The following PACRG variants were observed in gnomAD, a reference collection of about 807,000 sequenced individuals.
PACRG encodes parkin coregulated, also known as parkin coregulated gene protein.
Under a neutral mutation model 29.7 loss-of-function variants are expected in PACRG, and 29 were observed. The ratio of observed to expected loss-of-function variants is 0.98; its 90% CI spans 0.73 to 1.33. PACRG has a LOEUF of 1.33. Among genes scored for constraint, PACRG ranks in the 40% most tolerant of loss-of-function variants. The probability of loss-of-function intolerance (pLI) is 0.00; values close to 1 mark genes in which losing one functional copy is unlikely to be tolerated. For missense variants in PACRG, 279 were observed against 316.2 expected (o/e 0.88, Z 0.89); for synonymous variants, 116 against 118.7 (o/e 0.98, Z 0.15).
intron 2 of PACRG, among the ~76,000 whole-genome samples, chr6:162,998,712 AGCAT>A (rs1372816673): frequency 5.3e-5 from 8 of 152,326 alleles, no homozygotes; most frequent in Admixed American, 2.0e-4. Flanking sequence ...CTGCTCTAGA[AGCAT>A]GCTTAGAAAG....
chr6:163,313,969 A>T (rs1004896550), intron 4 of PACRG: 1 of 152,172 alleles, frequency 6.6e-6, no homozygotes, highest in East Asian at 1.9e-4. Flanking sequence ...ACCCTTGGTA[A>T]CTCCTGCAGC....
intron 2 of PACRG, among the ~76,000 whole-genome samples, chr6:162,923,658 T>G (rs1797222942): frequency 6.6e-6 from 1 of 152,088 alleles, no homozygotes; most frequent in Non-Finnish European, 1.5e-5. Context: ...TGAAAATTAG[T>G]TGATTGTAAA....
intron 2 of PACRG, chr6:162,997,613 G>A (rs532811920): frequency 4.9e-5 from 14 of 283,966 alleles, no homozygotes; most frequent in African/African-American, 2.1e-4. Context: ...TGAAAGCAAC[G>A]CAGTGGTAAA....
chr6:163,220,209 C>CG (rs1781525270), intron 4 of PACRG, among the ~76,000 whole-genome samples: 1 of 148,372 alleles, frequency 6.7e-6, no homozygotes, highest in Admixed American at 6.7e-5. Context: ...GGACAGAGGG[C>CG]GGGGGTGGGG....
intron 4 of PACRG, among the ~76,000 whole-genome samples, chr6:163,286,563 G>A (rs1784406881): frequency 6.6e-6 from 1 of 152,188 alleles, no homozygotes; most frequent in Non-Finnish European, 1.5e-5. Flanking sequence ...TCAATAATAT[G>A]ATCATAATTT....
At chr6:163,003,992 A>G (rs1200186945) in intron 2 of PACRG, among the ~76,000 whole-genome samples, 1 of 152,160 alleles carries the variant, frequency 6.6e-6, no homozygotes, top group African/African-American at 2.4e-5. Context: ...AATCATTCCA[A>G]CTGGATCATT....
At chr6:163,075,087 A>G (rs1045658648) in intron 3 of PACRG, among the ~76,000 whole-genome samples, 4 of 152,206 alleles carry the variant, frequency 2.6e-5, no homozygotes, top group Non-Finnish European at 5.9e-5. Flanking sequence ...AATCCTACAG[A>G]CATTGAAAAT....
chr6:162,780,038 A>G (rs1783973543), intron 1 of PACRG, among the ~76,000 whole-genome samples: 1 of 152,212 alleles, frequency 6.6e-6, no homozygotes, highest in Non-Finnish European at 1.5e-5. Flanking sequence ...ACAGTATGAC[A>G]CAGGAATGAG....
intron 4 of PACRG, among the ~76,000 whole-genome samples, chr6:163,290,273 C>T (rs1212741220): frequency 5.8e-5 from 6 of 103,620 alleles, no homozygotes; most frequent in African/African-American, 1.7e-4. Context: ...TGCACGCGCG[C>T]GCGCGCACAC....
chr6:163,299,704 C>T (rs1784914654), intron 4 of PACRG, among the ~76,000 whole-genome samples: 1 of 152,136 alleles, frequency 6.6e-6, no homozygotes, highest in African/African-American at 2.4e-5. Context: ...CATAGTGAAA[C>T]CCCGTCTCTA....
In PACRG at chr6:163,287,762, A is replaced by G. The variant is rs146968514; in HGVS notation, c.614-27065A>G. Among the ~76,000 whole-genome samples the G allele has an allele frequency of 2.6e-3, 402 of 152,332 alleles. 4 individuals carry two copies. The highest frequency in any genetic ancestry group is 9.3e-3 in the African/African-American group (385 of 41,570). Reference sequence around the variant, plus strand: ...TTTAACAGAGAAAAATAATTGAACGAGGAACCGGGGTACATGTGTTGCTCT... The same window carrying G: ...TTTAACAGAGAAAAATAATTGAACGGGGAACCGGGGTACATGTGTTGCTCT... On this transcript the variant is annotated intron_variant, in intron 4 of 4. Transcript: ENST00000366888.
chr6:163,046,671 C>A (rs922059973), intron 2 of PACRG: 2 of 152,106 alleles, frequency 1.3e-5, no homozygotes, highest in African/African-American at 4.8e-5. Flanking sequence ...ATTCTTTCGA[C>A]AAGCTGATCA....
chr6:162,841,246 A>G (rs377056810), intron 2 of PACRG, among the ~76,000 whole-genome samples: 1 of 139,536 alleles, frequency 7.2e-6, no homozygotes, highest in Admixed American at 7.2e-5. Context: ...TGGTTGGTAA[A>G]CTATTGATTA....
chr6:162,965,056 G>T (rs1352716581), intron 2 of PACRG, among the ~76,000 whole-genome samples: 1 of 152,238 alleles, frequency 6.6e-6, no homozygotes, highest in African/African-American at 2.4e-5. Flanking sequence ...GAAGATGGAA[G>T]TGCCTTAAGG....
chr6:162,778,947 A>C (rs949650380), intron 1 of PACRG, among the ~76,000 whole-genome samples: 6 of 152,220 alleles, frequency 3.9e-5, no homozygotes, highest in Admixed American at 6.5e-5. Context: ...AACGTGTGCC[A>C]TGGCGGTTTG....
chr6:163,126,622 CAATGGCG>C (rs1449739265), intron 4 of PACRG, among the ~76,000 whole-genome samples: 2 of 152,150 alleles, frequency 1.3e-5, no homozygotes, highest in Admixed American at 1.3e-4. Context: ...GCAAAGAAAG[CAATGGCG>C]AAAGAATCTG....
chr6:162,962,088 G>C (rs1044700469), intron 2 of PACRG, among the ~76,000 whole-genome samples: 1 of 152,074 alleles, frequency 6.6e-6, no homozygotes, highest in Non-Finnish European at 1.5e-5. Flanking sequence ...CTAGGCTCAG[G>C]TCAAGTGCCC....
intron 2 of PACRG, among the ~76,000 whole-genome samples, chr6:162,906,173 CA>C (rs1232720129): frequency 6.6e-6 from 1 of 151,330 alleles, no homozygotes; most frequent in South Asian, 2.1e-4. Context: ...GTGTGTGTTC[CA>C]AAAAAAGGAA....
chr6:163,102,768 C>T (rs1239214843), intron 4 of PACRG, among the ~76,000 whole-genome samples: 1 of 152,226 alleles, frequency 6.6e-6, no homozygotes, highest in African/African-American at 2.4e-5. Flanking sequence ...GATACATCAC[C>T]TGTTGCATTT....
Sources: allele counts gnomAD v4.1 joint callset (sites outside exome capture counted in the v4.1 genomes callset), GRCh38; gene constraint gnomAD v4.1.1; transcripts MANE v1.5; gene names NCBI Gene and HGNC (gene_info 2026-07-23, HGNC 2026-07-21).